ABCA7: variants seen among roughly 807,000 people sequenced by gnomAD.
ABCA7 encodes the protein phospholipid-transporting ATPase ABCA7.
ABCA7 carries 261 observed loss-of-function variants against 227.6 expected under a neutral mutation model. That is an observed-to-expected ratio of 1.15 (90% CI 1.04 to 1.27). The LOEUF (loss-of-function observed/expected upper bound fraction) is 1.27, where lower values mean the gene tolerates loss of function less well. ABCA7 is among the 50% of genes most tolerant of loss of function. ABCA7 has a pLI of 0.00. For missense variants in ABCA7, 3,331 were observed against 2,924.5 expected (o/e 1.14, Z -3.21); for synonymous variants, 1,488 against 1,279.7 (o/e 1.16, Z -3.47).
chr19:1,045,238 C>A lies in ABCA7; in HGVS notation c.1445+7C>A, dbSNP rs943244307. 2 of 1,038,244 alleles carry A rather than the reference C, an allele frequency of 1.9e-6. No homozygotes were observed. Among genetic ancestry groups the A allele is most frequent in the South Asian group, 2.7e-5 (2 of 73,384 alleles). The allele number at this position is 1,038,244 out of a possible 1,614,324, so 64.3% of individuals were successfully genotyped here. ...CCAATAAGATCAGGGACAGGTCAGG[C>A]GAGGGAGGGGGCGGGGGGATGAGGG... On this transcript the variant is annotated splice_region_variant and intron_variant, in intron 12 of 46. Transcript: ENST00000263094.
chr19:1,045,314 A>T, intron 12 of ABCA7, 83 bp downstream of exon 12: 1 of 1,282,654 alleles, frequency 7.8e-7, no homozygotes. Context: ...CATTCAGCCT[A>T]TTGGAGACCA....
chr19:1,044,808 C>T (rs1599569447), intron 11 of ABCA7, 64 bp downstream of exon 11: 3 of 1,531,212 alleles, frequency 2.0e-6, no homozygotes, highest in Non-Finnish European at 2.6e-6. Context: ...CCTAGTGTTC[C>T]CACCCTGGTG....
At chr19:1,060,498 A>T (rs1012252942) in intron 40 of ABCA7, among the ~76,000 whole-genome samples, 10 of 149,444 alleles carry the variant, frequency 6.7e-5, no homozygotes, top group African/African-American at 2.2e-4. Context: ...TGTGTGAGCC[A>T]CCATGCCCGG....
intron 10 of ABCA7, 32 bp downstream of exon 10, chr19:1,043,873 G>T: frequency 6.3e-7 from 1 of 1,591,310 alleles, no homozygotes; most frequent in Non-Finnish European, 8.6e-7. Flanking sequence ...GTGGGATGTG[G>T]CTCCCCGGTG....
chr19:1,050,872 G>T, intron 18 of ABCA7, 49 bp from the exon 19 acceptor site: 2 of 1,441,370 alleles, frequency 1.4e-6, no homozygotes, highest in Non-Finnish European at 9.2e-7. Flanking sequence ...CTCTGTAACT[G>T]CCAGTGCACT....
Position 1,053,319 on chromosome 19 carries a change from G to C in ABCA7, c.3221-10G>C, listed in dbSNP as rs2041943816. 3 of 1,605,926 alleles carry C rather than the reference G, an allele frequency of 1.9e-6. No individual in the cohort carries two copies. On this transcript the variant is annotated splice_polypyrimidine_tract_variant and intron_variant, in intron 23 of 46. Coordinates refer to ENST00000263094, the MANE Select transcript of ABCA7 (RefSeq NM_019112.4). ...CCGGGGCTCCCTGAAGCACCCCTTT[G>C]TCCACACAGGCACTCCTCAGCTGCT...
intron 30 of ABCA7, 89 bp downstream of exon 30, chr19:1,055,440 A>T: frequency 6.8e-6 from 9 of 1,314,776 alleles, no homozygotes; most frequent in African/African-American, 3.1e-5. Flanking sequence ...GAGGAAGTGG[A>T]GGGGTTGGAT....
intron 10 of ABCA7, among the ~76,000 whole-genome samples, chr19:1,044,308 C>T (rs4147908): frequency 0.034 from 4,868 of 141,474 alleles, 124 homozygotes; most frequent in East Asian, 0.092. Flanking sequence ...ACTGCAGTGG[C>T]GAGATCTTGG....
Position 1,057,448 on chromosome 19 carries a change from C to G in ABCA7, c.4880+19C>G. 6.3e-7 allele frequency: 1 copy of G among 1,599,780 alleles called. No homozygotes were observed. Among genetic ancestry groups the G allele is most frequent in the Non-Finnish European group, 8.6e-7 (1 of 1,167,378 alleles). ...TGTATGGGTGAGGCCCCCAGTCCCT[C>G]AGGGCCTATTCTTACTGACCCCTTA... On this transcript the variant is annotated intron_variant, in intron 35 of 46. Coordinates refer to ENST00000263094, the MANE Select transcript of ABCA7 (RefSeq NM_019112.4).
chr19:1,056,311 G>T lies in ABCA7; in HGVS notation c.4417-19G>T, dbSNP rs374768918. ...TCCAACCCCATTGCTCTGACCCTAT[G>T]ACCTTGACCCCCACCCAGATCTGGT... On this transcript the variant is annotated intron_variant, in intron 32 of 46. Coordinates refer to ENST00000263094, the MANE Select transcript of ABCA7 (RefSeq NM_019112.4). The surrounding 1 kb of genome is among the most constrained non-coding windows in gnomAD (Gnocchi z 4.3). The T allele has an allele frequency of 1.2e-6, 2 of 1,610,764 alleles. No individual in the cohort carries two copies. Among genetic ancestry groups the T allele is most frequent in the Admixed American group, 1.7e-5 (1 of 59,922 alleles).
chr19:1,052,865 A>G (rs1568349315), intron 23 of ABCA7, among the ~76,000 whole-genome samples: 1 of 151,812 alleles, frequency 6.6e-6, no homozygotes, highest in Non-Finnish European at 1.5e-5. Flanking sequence ...CCTACCCCTG[A>G]CCTCCAACAC....
chr19:1,057,522 A>G, intron 35 of ABCA7, 93 bp downstream of exon 35: 1 of 1,262,630 alleles, frequency 7.9e-7, no homozygotes, highest in Non-Finnish European at 1.1e-6. Context: ...AGTGACTCCC[A>G]AGGAGAGGAT....
intron 30 of ABCA7, among the ~76,000 whole-genome samples, 185 bp from the exon 31 acceptor site, chr19:1,055,722 G>A (rs1405391402): frequency 1.3e-5 from 2 of 151,970 alleles, no homozygotes; most frequent in South Asian, 2.1e-4. Context: ...GGCTGGTCTC[G>A]AACTCCTGAC....
intron 14 of ABCA7, 54 bp downstream of exon 14, chr19:1,047,078 G>T: frequency 6.4e-7 from 1 of 1,551,550 alleles, no homozygotes. Context: ...GAGGGTGACA[G>T]ACAGGGGCGG....
intron 30 of ABCA7, 68 bp from the exon 31 acceptor site, chr19:1,055,839 C>G: frequency 1.4e-6 from 2 of 1,455,788 alleles, no homozygotes; most frequent in Non-Finnish European, 1.9e-6. Context: ...CTCTGTGCTC[C>G]CCTCTCACCA....
chr19:1,040,254 C>G (rs2039881439), intron 1 of ABCA7, 58 bp downstream of exon 1: 2 of 152,194 alleles, frequency 1.3e-5, no homozygotes, highest in Admixed American at 6.5e-5. Context: ...GGGTTGGGGC[C>G]GGGAGGGATG....
Position 1,064,146 on chromosome 19 carries a change from G to T in ABCA7, c.5952-15G>T. On this transcript the variant is annotated splice_polypyrimidine_tract_variant and intron_variant, in intron 44 of 46. Coordinates refer to ENST00000263094, the MANE Select transcript of ABCA7 (RefSeq NM_019112.4). ...GCCCCGGCCTCACGGAGCTCGTGGT[G>T]CCGGGTCCCGACAGCATGGAGGAGT... is the stretch of plus-strand genomic sequence containing the variant. 6.5e-7 allele frequency: 1 copy of T among 1,547,530 alleles called. No homozygotes were observed. Among genetic ancestry groups the T allele is most frequent in the Non-Finnish European group, 8.7e-7 (1 of 1,146,118 alleles).
intron 10 of ABCA7, among the ~76,000 whole-genome samples, chr19:1,044,275 TCTCA>T (rs2040380564): frequency 8.2e-6 from 1 of 122,098 alleles, no homozygotes; most frequent in Non-Finnish European, 1.6e-5. Flanking sequence ...AGAGATGGAG[TCTCA>T]CTCTGTTGCC....
rs554270065 is a variant in ABCA7 at position 1,062,499 on chromosome 19, C to T, written c.5712+186C>T. The stretch of plus-strand genomic sequence containing the variant: ...TGGTCCAATAGGGATGTGGCTAGCC[C>T]GCCTCTTTGCCCCGCAACACCAAGT... On this transcript the variant is annotated intron_variant, in intron 42 of 46. Coordinates refer to ENST00000263094, the MANE Select transcript of ABCA7 (RefSeq NM_019112.4). 3.3e-5 allele frequency among the ~76,000 whole-genome samples: 5 copies of T among 152,138 alleles called. No homozygotes were observed. In the South Asian group the frequency reaches 1.0e-3, roughly 32 times the overall value.
Sources: gnomAD v4.1 joint callset for allele counts (sites outside exome capture counted in the v4.1 genomes callset) on GRCh38, gnomAD v4.1.1 for gene constraint, Gnocchi (gnomAD v3.1) non-coding constraint, MANE v1.5 for transcripts, NCBI Gene and HGNC (gene_info 2026-07-23, HGNC 2026-07-21) for gene names.